Variants in PKHD1L1 observed in about 807,000 individuals in gnomAD.
PKHD1L1 encodes the protein PKHD1 like 1, also known as fibrocystin-L.
In PKHD1L1, 434 loss-of-function variants were observed where a neutral mutation model predicts 462.9. That is an observed-to-expected ratio of 0.94 (90% CI 0.87 to 1.02). The LOEUF is 1.02. Ranked by LOEUF, PKHD1L1 falls within the 50% of genes least tolerant of loss-of-function variation. The pLI, the probability that PKHD1L1 is intolerant of heterozygous loss-of-function variation, is 0.00. For missense variants in PKHD1L1, 5,202 were observed against 5,096.1 expected (o/e 1.02, Z -0.63); for synonymous variants, 1,781 against 1,750.0 (o/e 1.02, Z -0.44).
At chr8:109,390,687 G>A (rs527576474) in intron 9 of PKHD1L1, among the ~76,000 whole-genome samples, 193 bp downstream of exon 9, 10 of 152,068 alleles carry the variant, frequency 6.6e-5, no homozygotes, top group African/African-American at 2.4e-4. Context: ...TCTGTTGTAG[G>A]GAAATCTAGC....
In PKHD1L1 at chr8:109,464,610, A is replaced by T; in HGVS notation, c.7778A>T (p.Asp2593Val). The T allele has an allele frequency of 6.2e-7, 1 of 1,612,714 alleles. No individual in the cohort carries two copies. The highest frequency in any genetic ancestry group is 8.5e-7 in the Non-Finnish European group (1 of 1,179,792). ...GFWYRMNNHP[D>V]GPSYDRNICQ... ...TGGTACCGGATGAACAACCACCCTG[A>T]TGGGCCATCCTATGACAGAAACATT... The change falls in exon 49 of 78, where the codon GAT (aspartate) becomes GTT (valine). Residue 2593 changes from aspartate to valine, a missense_variant. This residue lies in a region of PKHD1L1 where 4,497 missense variants were observed against 4,336.8 expected (regional missense o/e 1.04). Transcript: ENST00000378402.
chr8:109,383,147 T>TATA (rs1563723735), intron 4 of PKHD1L1, among the ~76,000 whole-genome samples: 2 of 62,506 alleles, frequency 3.2e-5, no homozygotes, highest in East Asian at 6.0e-4. Flanking sequence ...ATTGTATATA[T>TATA]TATATATATT....
chr8:109,526,693 T>C, intron 76 of PKHD1L1, 91 bp from the exon 77 acceptor site: 1 of 1,068,804 alleles, frequency 9.4e-7, no homozygotes, highest in Non-Finnish European at 1.3e-6. Context: ...ATCTATATAG[T>C]GTTTTTCAGT....
intron 60 of PKHD1L1, among the ~76,000 whole-genome samples, chr8:109,490,386 G>A (rs1297132182): frequency 2.6e-5 from 4 of 151,580 alleles, no homozygotes; most frequent in Non-Finnish European, 1.5e-5. Context: ...AGAGAGTATT[G>A]CTTAAATTTC....
At chr8:109,453,418 A>G (rs1311630154) in intron 43 of PKHD1L1, among the ~76,000 whole-genome samples, 1 of 152,148 alleles carries the variant, frequency 6.6e-6, no homozygotes, top group African/African-American at 2.4e-5. Flanking sequence ...TTTATTTTTT[A>G]CTATGGAAAA....
At chr8:109,376,839 C>T (rs960013022) in intron 2 of PKHD1L1, among the ~76,000 whole-genome samples, 2 of 152,112 alleles carry the variant, frequency 1.3e-5, no homozygotes, top group South Asian at 2.1e-4. Context: ...TTATATCTTG[C>T]CCAAGGTCAT....
chr8:109,461,744 T>C lies in PKHD1L1; in HGVS notation c.7247-28T>C, dbSNP rs570114298. The C allele has an allele frequency of 3.8e-6, 6 of 1,590,514 alleles. No individual in the cohort carries two copies. In the East Asian group the frequency reaches 1.4e-4, roughly 36 times the overall value. On this transcript the variant is annotated intron_variant, in intron 47 of 77. Coordinates refer to ENST00000378402, the MANE Select transcript of PKHD1L1 (RefSeq NM_177531.6). ...TATAAGAGGATTCCGACAATTTTTT[T>C]AATGATGCTTTAAAAACTGTTTTGA...
At chr8:109,515,929 T>C (rs574875092) in intron 72 of PKHD1L1, among the ~76,000 whole-genome samples, 1 of 152,296 alleles carries the variant, frequency 6.6e-6, no homozygotes, top group South Asian at 2.1e-4. Context: ...CATCATTTTC[T>C]GATATGATCC....
rs1818538780 is a variant in PKHD1L1 at position 109,486,597 on chromosome 8, A to T, written c.9707-51A>T. On this transcript the variant is annotated intron_variant, in intron 58 of 77. Transcript: ENST00000378402. ...ATATAAACTGCAAAGGAACTAGTAA[A>T]GACAGATACTTCTCAGCATTGGCAA... 13 of 1,556,188 alleles carry T rather than the reference A, an allele frequency of 8.4e-6. No homozygotes were observed. The South Asian group carries it at 1.5e-4, about 18-fold the overall frequency.
intron 21 of PKHD1L1, among the ~76,000 whole-genome samples, chr8:109,415,633 T>C (rs1352621658): frequency 6.6e-6 from 1 of 151,746 alleles, no homozygotes; most frequent in Non-Finnish European, 1.5e-5. Context: ...GGAACTGGAA[T>C]GATCTTAATT....
intron 12 of PKHD1L1, among the ~76,000 whole-genome samples, chr8:109,399,568 T>A (rs1813166289): frequency 3.9e-5 from 6 of 152,156 alleles, no homozygotes; most frequent in Admixed American, 3.9e-4. Context: ...AGTAATGTTT[T>A]TTTTAAAAAG....
At chr8:109,435,415 T>C (rs765740784) in intron 29 of PKHD1L1, 61 bp downstream of exon 29, 18 of 1,547,918 alleles carry the variant, frequency 1.2e-5, no homozygotes, top group Non-Finnish European at 1.4e-5. Context: ...TTCAATGTGC[T>C]GTTTCTAGTA....
At chr8:109,494,152 T>C (rs76562124) in intron 63 of PKHD1L1, among the ~76,000 whole-genome samples, 3,628 of 151,984 alleles carry the variant, frequency 0.024, 136 homozygotes, top group African/African-American at 0.084. Context: ...CCTGCATGCA[T>C]CAAAAAGTCA....
intron 30 of PKHD1L1, among the ~76,000 whole-genome samples, chr8:109,437,510 C>G (rs1179347229): frequency 1.6e-5 from 2 of 125,420 alleles, no homozygotes; most frequent in Admixed American, 2.0e-4. Context: ...CACCCCACAA[C>G]AGGCCCCAGG....
chr8:109,415,873 G>A (rs1396865434), intron 21 of PKHD1L1, among the ~76,000 whole-genome samples: 6 of 147,188 alleles, frequency 4.1e-5, no homozygotes, highest in African/African-American at 1.0e-4. Flanking sequence ...GGGTGTGTGT[G>A]TGTGTGTGTG....
Position 109,476,506 on chromosome 8 carries a change from A to C in PKHD1L1, c.8758-2A>C. 2 of 1,442,026 alleles carry C rather than the reference A, an allele frequency of 1.4e-6. No individual in the cohort carries two copies. The highest frequency in any genetic ancestry group is 3.8e-4 in the Middle Eastern group (2 of 5,316). The allele number at this position is 1,442,026 out of a possible 1,614,324, so 89.3% of individuals were successfully genotyped here. On this transcript the variant is annotated splice_acceptor_variant, in intron 51 of 77. Coordinates refer to ENST00000378402, the MANE Select transcript of PKHD1L1 (RefSeq NM_177531.6). LOFTEE classifies it high-confidence loss of function. ...GTCACATTTTTCTATAAACTTTTATAGGAAGAAGACTATGTAATTATATCA... is the reference window on the plus strand; with the variant it reads ...GTCACATTTTTCTATAAACTTTTATCGGAAGAAGACTATGTAATTATATCA...
At chr8:109,432,353 C>T (rs924898452) in intron 27 of PKHD1L1, among the ~76,000 whole-genome samples, 3 of 151,968 alleles carry the variant, frequency 2.0e-5, no homozygotes, top group African/African-American at 7.2e-5. Context: ...CCATTTCTAC[C>T]TCAAAGTCAT....
rs1817459398 is a variant in PKHD1L1 at position 109,466,696 on chromosome 8, T to C, written c.8532T>C (p.Phe2844=). 6.2e-7 allele frequency: 1 copy of C among 1,612,852 alleles called. No homozygotes were observed. Among genetic ancestry groups the C allele is most frequent in the Non-Finnish European group, 8.5e-7 (1 of 1,179,516 alleles). ...CAGTCTGTGATGCTTCAGTCAGCTTTCACCGTTTAGCGTTCAACCAGCCTT... is the reference window on the plus strand; with the variant it reads ...CAGTCTGTGATGCTTCAGTCAGCTTCCACCGTTTAGCGTTCAACCAGCCTT... ...PGSVCDASVS[F]HRLAFNQPSP... is the part of the protein sequence containing the mutation. The change falls in exon 50 of 78, where the codon TTT becomes TTC. Residue 2844 remains phenylalanine, a synonymous_variant. Coordinates refer to ENST00000378402, the MANE Select transcript of PKHD1L1 (RefSeq NM_177531.6).
At chr8:109,367,918 C>T (rs538398856) in intron 2 of PKHD1L1, among the ~76,000 whole-genome samples, 1 of 152,232 alleles carries the variant, frequency 6.6e-6, no homozygotes, top group Admixed American at 6.5e-5. Context: ...CAAAATAAAA[C>T]CTCACAAGAC....
Sources: gnomAD v4.1 joint callset for allele counts (sites outside exome capture counted in the v4.1 genomes callset) on GRCh38, gnomAD v4.1.1 for gene constraint, gnomAD v4.1.1 regional missense constraint, MANE v1.5 for transcripts, NCBI Gene and HGNC (gene_info 2026-07-23, HGNC 2026-07-21) for gene names.